The following VSTM1 variants were observed in gnomAD, a reference collection of about 807,000 sequenced individuals.
VSTM1 encodes the protein V-set and transmembrane domain containing 1, also known as V-set and transmembrane domain-containing protein 1.
VSTM1 carries 27 observed loss-of-function variants against 33.1 expected under a neutral mutation model. The ratio of observed to expected loss-of-function variants is 0.82; its 90% confidence interval spans 0.60 to 1.12. The LOEUF (loss-of-function observed/expected upper bound fraction) is 1.12, where lower values mean the gene tolerates loss of function less well. VSTM1 is among the 50% of genes most tolerant of loss of function. The pLI, the probability that VSTM1 is intolerant of heterozygous loss-of-function variation, is 0.00. For missense variants in VSTM1, 304 were observed against 288.9 expected, an observed-to-expected ratio of 1.05 and a Z score of -0.38; for synonymous variants, 115 against 110.3, an observed-to-expected ratio of 1.04 and a Z score of -0.27.
At chr19:54,043,610 C>A (rs2070428480) in intron 4 of VSTM1, among the ~76,000 whole-genome samples, 1 of 152,066 alleles carries the variant, frequency 6.6e-6, no homozygotes, top group Admixed American at 6.6e-5. Context: ...CGGGGTTTCG[C>A]CATGTTGGCC....
intron 1 of VSTM1, among the ~76,000 whole-genome samples, chr19:54,061,476 T>C (rs2071391990): frequency 6.6e-6 from 1 of 152,002 alleles, no homozygotes; most frequent in Non-Finnish European, 1.5e-5. Flanking sequence ...CCAATATAAC[T>C]TACAAGAAGA....
rs1462938460 is a variant in VSTM1 at position 54,059,048 on chromosome 19, ACTT to A, written c.35-319_35-317del. ...TACGTGTATGGAGAAAATTCCAGCA[ACTT>A]CTTCTTTCTTTTTTTTTTTTTTTTT... On this transcript the variant is annotated intron_variant, in intron 1 of 8. Transcript: ENST00000338372. Among the ~76,000 whole-genome samples, 8 of 142,358 alleles carry A rather than the reference ACTT, an allele frequency of 5.6e-5. No homozygotes were observed. The East Asian group carries it at 9.9e-4, about 18-fold the overall frequency. 93.4% of individuals were successfully genotyped at this position (142,358 alleles called of 152,430 possible). A position where few individuals can be genotyped will look rare whatever the true frequency, so the allele number is the denominator to read the frequency against.
Position 54,058,506 on chromosome 19 carries a change from T to G in VSTM1, c.155A>C (p.His52Pro). 2 of 1,613,866 alleles carry G rather than the reference T, an allele frequency of 1.2e-6. No individual in the cohort carries two copies. Among genetic ancestry groups the G allele is most frequent in the East Asian group, 2.2e-5 (1 of 44,826 alleles). The change falls in exon 3 of 9, where the codon CAT becomes CCT. Residue 52 changes from histidine to proline, a missense_variant. By Grantham distance (77) the His-to-Pro change is moderately conservative (BLOSUM62 -2). Coordinates refer to ENST00000338372, the MANE Select transcript of VSTM1 (RefSeq NM_198481.4). The part of the protein sequence containing the change: ...ESNVTLKCQA[H>P]SQNVTFVLRK... ...CAGCACAAATGTCACATTCTGGGAATGAGCCTGACACTTCAGGGTCACATT... is the reference window on the plus strand; with the variant it reads ...CAGCACAAATGTCACATTCTGGGAAGGAGCCTGACACTTCAGGGTCACATT...
chr19:54,060,509 G>A (rs1197933845), intron 1 of VSTM1, among the ~76,000 whole-genome samples: 2 of 152,132 alleles, frequency 1.3e-5, no homozygotes, highest in African/African-American at 4.8e-5. Context: ...GAGGCCTCAC[G>A]ATGGACCGAA....
At chr19:54,056,214 C>CTTTTTT (rs869203085) in intron 3 of VSTM1, among the ~76,000 whole-genome samples, 434 of 39,070 alleles carry the variant, frequency 0.011, 8 homozygotes, top group African/African-American at 0.027. Flanking sequence ...CTTTTCTTTT[C>CTTTTTT]TTTTTTTTTT....
rs2070835600 is a variant in VSTM1 at position 54,051,409 on chromosome 19, C to A, written c.394+1G>T. ...AAACATCTCCTTTCTAATTATCTTA[C>A]CTGTTTTCATTGAGGGAGCTTCAAG... is the stretch of plus-strand genomic sequence containing the variant. On this transcript the variant is annotated splice_donor_variant, in intron 4 of 8. Transcript: ENST00000338372. LOFTEE classifies it high-confidence loss of function. The A allele has an allele frequency of 1.3e-6, 2 of 1,599,210 alleles. No homozygotes were observed. Among genetic ancestry groups the A allele is most frequent in the Non-Finnish European group, 1.7e-6 (2 of 1,175,398 alleles).
intron 3 of VSTM1, among the ~76,000 whole-genome samples, chr19:54,051,891 G>T (rs1256900770): frequency 6.6e-6 from 1 of 151,992 alleles, no homozygotes. Flanking sequence ...CTTCCAAGTA[G>T]CTGGGACTAC....
At chr19:54,054,992 G>A (rs2071024376) in intron 3 of VSTM1, among the ~76,000 whole-genome samples, 1 of 139,632 alleles carries the variant, frequency 7.2e-6, no homozygotes, top group Non-Finnish European at 1.6e-5. Context: ...TAGATGGGTG[G>A]GTAGATTGAT....
At chr19:54,055,916 AT>A (rs1208688170) in intron 3 of VSTM1, 1 of 142,018 alleles carries the variant, frequency 7.0e-6, no homozygotes, top group Non-Finnish European at 1.6e-5. Context: ...CATCTTCTGC[AT>A]TTGATGCTTT....
rs532106770 is a variant in VSTM1 at position 54,042,952 on chromosome 19, AT to A, written c.395-584del. Among the ~76,000 whole-genome samples, 61 of 149,954 alleles carry A rather than the reference AT, an allele frequency of 4.1e-4. 2 individuals carry two copies. In the South Asian group the frequency reaches 0.013, roughly 31 times the overall value. ...AACCTCCACCTCCCTGGTTCAAACA[AT>A]TCTCCTGACTCAGCCTCCTGAGTAG... On this transcript the variant is annotated intron_variant, in intron 4 of 8. Transcript: ENST00000338372.
chr19:54,050,506 C>G lies in VSTM1; in HGVS notation c.394+904G>C, dbSNP rs370325679. 4.6e-5 allele frequency among the ~76,000 whole-genome samples: 7 copies of G among 152,116 alleles called. No homozygotes were observed. The East Asian group carries it at 7.7e-4, about 17-fold the overall frequency. On this transcript the variant is annotated intron_variant, in intron 4 of 8. Transcript: ENST00000338372. ...CAAATGGGTCACTGAAAAATTCACC[C>G]CCATTATTCCCCAAATCCCACCCTA...
At chr19:54,047,694 A>T (rs760591896) in intron 4 of VSTM1, among the ~76,000 whole-genome samples, 1 of 152,206 alleles carries the variant, frequency 6.6e-6, no homozygotes, top group Non-Finnish European at 1.5e-5. Context: ...GAGAAACAGC[A>T]GCCTTGCCTT....
At chr19:54,059,844 T>A (rs2071299847) in intron 1 of VSTM1, among the ~76,000 whole-genome samples, 1 of 104,690 alleles carries the variant, frequency 9.6e-6, no homozygotes, top group Non-Finnish European at 1.9e-5. Context: ...AGTGGTGGGT[T>A]TTTTTTTTTT....
chr19:54,057,870 C>A (rs879951314), intron 3 of VSTM1, among the ~76,000 whole-genome samples: 2 of 150,968 alleles, frequency 1.3e-5, no homozygotes, highest in African/African-American at 2.4e-5. Flanking sequence ...TTTGGGAGGC[C>A]GAGGCAGATG....
intron 4 of VSTM1, among the ~76,000 whole-genome samples, chr19:54,051,022 G>A (rs1291972312): frequency 2.6e-5 from 4 of 151,478 alleles, no homozygotes; most frequent in South Asian, 2.1e-4. Context: ...GGCCGTGTGC[G>A]GTGGCTCACG....
In VSTM1 at chr19:54,051,345, T is replaced by C; in HGVS notation, c.394+65A>G. On this transcript the variant is annotated intron_variant, in intron 4 of 8. Coordinates refer to ENST00000338372, the MANE Select transcript of VSTM1 (RefSeq NM_198481.4). ...AATAAATAAAGTTCTCCTTGTGCACTTTAAGCAAAGGTGATCATGAAGCAG... is the reference window on the plus strand; with the variant it reads ...AATAAATAAAGTTCTCCTTGTGCACCTTAAGCAAAGGTGATCATGAAGCAG... 5 of 1,369,428 alleles carry C rather than the reference T, an allele frequency of 3.7e-6. No homozygotes were observed. In the South Asian group the frequency reaches 6.3e-5, roughly 17 times the overall value. The allele number at this position is 1,369,428 out of a possible 1,614,324, so 84.8% of individuals were successfully genotyped here. A position where few individuals can be genotyped will look rare whatever the true frequency, so the allele number is the denominator to read the frequency against.
intron 4 of VSTM1, among the ~76,000 whole-genome samples, chr19:54,047,233 T>C (rs11667088): frequency 0.45 from 67,933 of 151,838 alleles, 15,607 homozygotes; most frequent in Non-Finnish European, 0.47. Context: ...AAACGTCACT[T>C]TCACACTAAT....
At position 54,052,981 on chromosome 19, in the gene VSTM1, CAAAA is replaced by C. The variant is rs34017003; in HGVS notation, c.356-1537_356-1534del. ...TGGGCAACCGAGTGGGACCCTGTCT[CAAAA>C]AAAAAAAAAAAAAAAAAAGCAGCCA... is the stretch of plus-strand genomic sequence containing the variant. On this transcript the variant is annotated intron_variant, in intron 3 of 8. Coordinates refer to ENST00000338372, the MANE Select transcript of VSTM1 (RefSeq NM_198481.4). 2.2e-3 allele frequency: 110 copies of C among 50,806 alleles called. 2 individuals are homozygous for C. The highest frequency in any genetic ancestry group is 0.016 in the South Asian group (26 of 1,584). 3.1% of individuals were successfully genotyped at this position (50,806 alleles called of 1,614,324 possible). A position where few individuals can be genotyped will look rare whatever the true frequency, so the allele number is the denominator to read the frequency against.
rs957011370 is a variant in VSTM1 at position 54,059,060 on chromosome 19, T to A, written c.35-328A>T. 8.4e-3 allele frequency among the ~76,000 whole-genome samples: 91 copies of A among 10,790 alleles called. No homozygotes were observed. The African/African-American group carries it at 0.13, about 16-fold the overall frequency. 7.1% of individuals were successfully genotyped at this position (10,790 alleles called of 152,430 possible). On this transcript the variant is annotated intron_variant, in intron 1 of 8. Transcript: ENST00000338372. ...GAAAATTCCAGCAACTTCTTCTTTC[T>A]TTTTTTTTTTTTTTTTTTGAAATGT...
Sources: gnomAD v4.1 joint callset for allele counts (sites outside exome capture counted in the v4.1 genomes callset) on GRCh38, gnomAD v4.1.1 for gene constraint, MANE v1.5 for transcripts, NCBI Gene and HGNC (gene_info 2026-07-23, HGNC 2026-07-21) for gene names.